The following LTBP1 variants were observed in gnomAD, a reference collection of about 807,000 sequenced individuals.
LTBP1 encodes the protein latent transforming growth factor beta binding protein 1, also known as latent-transforming growth factor beta-binding protein 1.
Under a neutral mutation model 207.6 loss-of-function variants are expected in LTBP1, and 129 were observed. That is an observed-to-expected ratio of 0.62 (90% CI 0.54 to 0.72). The LOEUF (loss-of-function observed/expected upper bound fraction) is 0.72, where lower values mean the gene tolerates loss of function less well. Among genes scored for constraint, LTBP1 ranks in the 30% least tolerant of loss-of-function variants. The pLI is 0.00. For synonymous variants in LTBP1, 963 were observed against 833.7 expected (o/e 1.16, Z -2.67); for missense variants, 2,281 against 2,217.2 (o/e 1.03, Z -0.58).
At chr2:33,065,348 G>A (rs1386922265) in intron 3 of LTBP1, among the ~76,000 whole-genome samples, 71 of 152,174 alleles carry the variant, frequency 4.7e-4, no homozygotes, top group Non-Finnish European at 2.1e-4. Context: ...GAGGCCATTA[G>A]TTTGAGACCA....
chr2:33,318,391 C>T (rs2094303867), intron 24 of LTBP1, among the ~76,000 whole-genome samples: 1 of 152,124 alleles, frequency 6.6e-6, no homozygotes. Context: ...TATCTGGTTC[C>T]AGGCCTTGTT....
At chr2:33,165,748 A>G (rs2084859034) in intron 5 of LTBP1, among the ~76,000 whole-genome samples, 1 of 152,204 alleles carries the variant, frequency 6.6e-6, no homozygotes, top group Admixed American at 6.5e-5. Context: ...CTCTTTCTTA[A>G]TGAATATAAT....
chr2:33,222,664 T>C (rs2091190990), intron 9 of LTBP1, among the ~76,000 whole-genome samples: 1 of 152,156 alleles, frequency 6.6e-6, no homozygotes, highest in Non-Finnish European at 1.5e-5. Flanking sequence ...TGAGTACTTT[T>C]GTTTGGTTTA....
At chr2:33,052,916 C>T (rs2076815856) in intron 3 of LTBP1, among the ~76,000 whole-genome samples, 1 of 151,992 alleles carries the variant, frequency 6.6e-6, no homozygotes, top group African/African-American at 2.4e-5. Flanking sequence ...CTCTTGTCAC[C>T]CAGGCTGGAG....
At chr2:33,252,584 A>G in intron 10 of LTBP1, 93 bp from the exon 11 acceptor site, 2 of 1,190,286 alleles carry the variant, frequency 1.7e-6, no homozygotes, top group Non-Finnish European at 2.3e-6. Flanking sequence ...TGTGGTTTTT[A>G]ATTCATACCT....
chr2:33,298,591 A>G (rs3820912), intron 20 of LTBP1, among the ~76,000 whole-genome samples: 4,143 of 152,316 alleles, frequency 0.027, 188 homozygotes, highest in East Asian at 0.18. Context: ...GAAAATAGTG[A>G]CGTAGGCTGA....
chr2:33,377,910 C>T (rs2095161923), intron 31 of LTBP1, among the ~76,000 whole-genome samples: 1 of 152,178 alleles, frequency 6.6e-6, no homozygotes, highest in African/African-American at 2.4e-5. Flanking sequence ...AACTCCCTCA[C>T]TATCATGAGA....
In LTBP1 at chr2:33,254,860, T is replaced by G. The variant is rs1233027147; in HGVS notation, c.2167+2016T>G. Among the ~76,000 whole-genome samples, 62 of 99,358 alleles carry G rather than the reference T, an allele frequency of 6.2e-4. 1 individual carries two copies. Among genetic ancestry groups the G allele is most frequent in the African/African-American group, 2.6e-3 (52 of 20,360 alleles). 65.2% of individuals were successfully genotyped at this position (99,358 alleles called of 152,430 possible). A position where few individuals can be genotyped will look rare whatever the true frequency, so the allele number is the denominator to read the frequency against. On this transcript the variant is annotated intron_variant, in intron 11 of 33. Transcript: ENST00000404816. ...AGAACATGCGGTGTTTGGTTTTTTT[T>G]TTTTTTTTTTTTTTTTTTTTTTTGT...
At chr2:33,353,948 C>G (rs2094819541) in intron 26 of LTBP1, among the ~76,000 whole-genome samples, 1 of 151,778 alleles carries the variant, frequency 6.6e-6, no homozygotes, top group African/African-American at 2.4e-5. Context: ...CAAGCTCTGC[C>G]TCCCAGGTTC....
intron 3 of LTBP1, among the ~76,000 whole-genome samples, chr2:33,109,910 G>A (rs923242515): frequency 4.6e-5 from 7 of 152,198 alleles, no homozygotes; most frequent in African/African-American, 1.7e-4. Context: ...GCATTAGGCA[G>A]CGTTAGAAGG....
chr2:33,317,089 T>A (rs1049886956), intron 24 of LTBP1, among the ~76,000 whole-genome samples: 4 of 152,266 alleles, frequency 2.6e-5, no homozygotes, highest in African/African-American at 9.6e-5. Context: ...AATGATTTAA[T>A]TCTGTACTTT....
At chr2:33,019,922 G>A (rs1351125403) in intron 2 of LTBP1, among the ~76,000 whole-genome samples, 5 of 142,176 alleles carry the variant, frequency 3.5e-5, no homozygotes, top group East Asian at 2.1e-4. Flanking sequence ...CTACGTTGCT[G>A]AGGCTAATCT....
At chr2:33,377,459 G>A (rs1021571205) in intron 31 of LTBP1, among the ~76,000 whole-genome samples, 1 of 152,170 alleles carries the variant, frequency 6.6e-6, no homozygotes, top group African/African-American at 2.4e-5. Flanking sequence ...TTGAGCCTTG[G>A]AGTGTCAGTT....
At chr2:33,212,875 A>C (rs1020882977) in intron 7 of LTBP1, among the ~76,000 whole-genome samples, 2 of 152,192 alleles carry the variant, frequency 1.3e-5, no homozygotes, top group Non-Finnish European at 2.9e-5. Flanking sequence ...GGTATTTTCA[A>C]ATATTCTAAA....
chr2:32,967,817 T>C (rs1680227398), intron 2 of LTBP1, among the ~76,000 whole-genome samples: 1 of 152,232 alleles, frequency 6.6e-6, no homozygotes, highest in Non-Finnish European at 1.5e-5. Context: ...AGTAAATACA[T>C]GTCAGTTATT....
At chr2:33,220,966 G>A (rs2091064200) in intron 8 of LTBP1, among the ~76,000 whole-genome samples, 1 of 152,226 alleles carries the variant, frequency 6.6e-6, no homozygotes. Flanking sequence ...GACAGATAAA[G>A]AGCATATGGG....
intron 4 of LTBP1, among the ~76,000 whole-genome samples, chr2:33,130,975 T>C (rs2081756769): frequency 6.6e-6 from 1 of 152,180 alleles, no homozygotes; most frequent in African/African-American, 2.4e-5. Context: ...TGATTTTTGC[T>C]TCTCAGACTT....
intron 31 of LTBP1, among the ~76,000 whole-genome samples, chr2:33,372,109 C>A (rs76287355): frequency 1.3e-5 from 2 of 152,286 alleles, no homozygotes; most frequent in South Asian, 4.2e-4. Flanking sequence ...ACTACCCCTC[C>A]TTTTTCTGAC....
chr2:33,103,705 G>A (rs550418081), intron 3 of LTBP1, among the ~76,000 whole-genome samples: 19 of 151,716 alleles, frequency 1.3e-4, no homozygotes, highest in African/African-American at 4.4e-4. Context: ...TTGCCCTTGA[G>A]CACTCTCCAG....
Sources: gnomAD v4.1 joint callset for allele counts (sites outside exome capture counted in the v4.1 genomes callset) on GRCh38, gnomAD v4.1.1 for gene constraint, MANE v1.5 for transcripts, NCBI Gene and HGNC (gene_info 2026-07-23, HGNC 2026-07-21) for gene names.